The following SGMS1 variants were observed in gnomAD, a reference collection of about 807,000 sequenced individuals.
SGMS1 encodes the protein phosphatidylcholine:ceramide cholinephosphotransferase 1.
A neutral mutation model predicts 46.2 loss-of-function variants in SGMS1; 13 were observed. The ratio of observed to expected loss-of-function variants is 0.28; its 90% CI spans 0.18 to 0.45. The LOEUF is 0.45. Ranked by LOEUF, SGMS1 falls within the 20% of genes least tolerant of loss-of-function variation. SGMS1 has a pLI of 1.00. For missense variants in SGMS1, 324 were observed against 519.9 expected (o/e 0.62, Z 3.66); for synonymous variants, 203 against 187.8 (o/e 1.08, Z -0.66).
intron 3 of SGMS1, among the ~76,000 whole-genome samples, chr10:50,519,602 T>G (rs1016798149): frequency 1.3e-5 from 2 of 152,216 alleles, no homozygotes; most frequent in Non-Finnish European, 2.9e-5. Context: ...CCCAGATTGC[T>G]TGCCTTCTCC....
intron 2 of SGMS1, among the ~76,000 whole-genome samples, chr10:50,563,526 G>A (rs1289267430): frequency 6.6e-6 from 1 of 151,678 alleles, no homozygotes; most frequent in Non-Finnish European, 1.5e-5. Flanking sequence ...GGCGGATCAC[G>A]AGGTCAGGAG....
chr10:50,389,254 T>C (rs1483836105), intron 6 of SGMS1, among the ~76,000 whole-genome samples: 2 of 152,228 alleles, frequency 1.3e-5, no homozygotes, highest in African/African-American at 4.8e-5. Flanking sequence ...CAGTTTTTTA[T>C]GTTTATAGTT....
intron 1 of SGMS1, among the ~76,000 whole-genome samples, chr10:50,593,144 G>C (rs963465047): frequency 6.6e-6 from 1 of 152,224 alleles, no homozygotes; most frequent in South Asian, 2.1e-4. Context: ...GGAAAGAACT[G>C]AGGCCTCTTG....
intron 3 of SGMS1, among the ~76,000 whole-genome samples, chr10:50,476,821 T>G (rs1182059602): frequency 1.3e-5 from 2 of 152,232 alleles, no homozygotes; most frequent in South Asian, 4.1e-4. Flanking sequence ...CATGTGGTGT[T>G]AAACCTGCAG....
intron 7 of SGMS1, 23 bp from the exon 8 acceptor site, chr10:50,327,345 C>T (rs773944691): frequency 7.6e-7 from 1 of 1,320,864 alleles, no homozygotes; most frequent in South Asian, 1.2e-5. Flanking sequence ...AAAAACAGGG[C>T]AGATTCTCAG....
At chr10:50,337,266 A>G (rs1447930232) in intron 7 of SGMS1, among the ~76,000 whole-genome samples, 1 of 152,188 alleles carries the variant, frequency 6.6e-6, no homozygotes, top group Non-Finnish European at 1.5e-5. Flanking sequence ...TGCTATATCC[A>G]TAGCACACAG....
At chr10:50,450,852 T>TA (rs1837099511) in intron 5 of SGMS1, among the ~76,000 whole-genome samples, 1 of 151,862 alleles carries the variant, frequency 6.6e-6, no homozygotes, top group African/African-American at 2.4e-5. Context: ...TTCAATTTAT[T>TA]AAAAATATCA....
chr10:50,328,170 T>C (rs1236426414), intron 7 of SGMS1: 1 of 271,886 alleles, frequency 3.7e-6, no homozygotes, highest in Non-Finnish European at 7.2e-6. Context: ...TCTCCTAATA[T>C]AAAAATTCCA....
chr10:50,379,464 G>C (rs567043341), intron 6 of SGMS1, among the ~76,000 whole-genome samples: 1 of 151,806 alleles, frequency 6.6e-6, no homozygotes, highest in South Asian at 2.1e-4. Flanking sequence ...ATATGTGCAC[G>C]TGTATGTAAG....
chr10:50,523,459 G>A (rs990620692), intron 2 of SGMS1, among the ~76,000 whole-genome samples: 13 of 152,126 alleles, frequency 8.5e-5, no homozygotes, highest in Non-Finnish European at 1.9e-4. Flanking sequence ...ACAAGGAAAT[G>A]TCCCTGTTTC....
At chr10:50,502,797 A>C (rs1837672950) in intron 3 of SGMS1, among the ~76,000 whole-genome samples, 1 of 152,220 alleles carries the variant, frequency 6.6e-6, no homozygotes, top group Non-Finnish European at 1.5e-5. Flanking sequence ...ATAAATGTAC[A>C]TCAACTTTTC....
intron 6 of SGMS1, among the ~76,000 whole-genome samples, chr10:50,365,665 T>C (rs1179403863): frequency 2.6e-5 from 4 of 152,170 alleles, no homozygotes; most frequent in Admixed American, 2.0e-4. Flanking sequence ...CTCCCACTTA[T>C]GAGTGAGAAG....
intron 3 of SGMS1, among the ~76,000 whole-genome samples, chr10:50,487,648 T>C (rs922502859): frequency 1.3e-5 from 2 of 152,358 alleles, no homozygotes; most frequent in Non-Finnish European, 2.9e-5. Context: ...CTATATATAC[T>C]ACCTCATAAT....
chr10:50,375,272 A>G (rs541992677), intron 6 of SGMS1, among the ~76,000 whole-genome samples: 150 of 152,322 alleles, frequency 9.8e-4, no homozygotes, highest in Middle Eastern at 6.8e-3. Flanking sequence ...CCTAAGAGAC[A>G]AAAAGATTTA....
chr10:50,459,714 A>G (rs931388925), intron 5 of SGMS1, among the ~76,000 whole-genome samples: 3 of 152,190 alleles, frequency 2.0e-5, no homozygotes, highest in African/African-American at 7.2e-5. Flanking sequence ...GAATAAGAAT[A>G]TTTTTAAAAC....
chr10:50,502,750 C>T (rs1837672473), intron 3 of SGMS1, among the ~76,000 whole-genome samples: 1 of 152,192 alleles, frequency 6.6e-6, no homozygotes, highest in Non-Finnish European at 1.5e-5. Flanking sequence ...CAAGACCTCA[C>T]AGCCTTTTTC....
intron 2 of SGMS1, among the ~76,000 whole-genome samples, chr10:50,526,797 TG>T (rs1235264888): frequency 1.2e-4 from 18 of 152,108 alleles, no homozygotes; most frequent in Admixed American, 1.1e-3. Context: ...CCGGGCACGG[TG>T]GCTCACGCCT....
intron 2 of SGMS1, among the ~76,000 whole-genome samples, chr10:50,559,128 G>C (rs1044787719): frequency 6.6e-6 from 1 of 152,140 alleles, no homozygotes; most frequent in African/African-American, 2.4e-5. Flanking sequence ...ATGCTAAGGG[G>C]AACTGGTAAA....
At chr10:50,337,193 G>A (rs948756134) in intron 7 of SGMS1, among the ~76,000 whole-genome samples, 5 of 152,162 alleles carry the variant, frequency 3.3e-5, no homozygotes, top group Non-Finnish European at 7.4e-5. Context: ...TTCAAAAACT[G>A]AGATGTCACT....
Sources: gnomAD v4.1 joint callset for allele counts (sites outside exome capture counted in the v4.1 genomes callset) on GRCh38, gnomAD v4.1.1 for gene constraint, MANE v1.5 for transcripts, NCBI Gene and HGNC (gene_info 2026-07-23, HGNC 2026-07-21) for gene names.